MECOM: variants seen among roughly 807,000 people sequenced by gnomAD.
MECOM encodes histone-lysine N-methyltransferase MECOM.
A neutral mutation model predicts 116.3 loss-of-function variants in MECOM; 13 were observed. The observed-to-expected ratio is 0.11, with a 90% CI of 0.07 to 0.18. The LOEUF (loss-of-function observed/expected upper bound fraction) is 0.18. Among genes scored for constraint, MECOM ranks in the 10% least tolerant of loss-of-function variants. The probability of loss-of-function intolerance (pLI) is 1.00; values close to 1 mark genes in which losing one functional copy is unlikely to be tolerated. For synonymous variants in MECOM, 528 were observed against 535.2 expected (o/e 0.99, Z 0.19); for missense variants, 1,299 against 1,509.0 (o/e 0.86, Z 2.31).
intron 2 of MECOM, among the ~76,000 whole-genome samples, chr3:169,261,345 G>A (rs1340598234): frequency 6.6e-6 from 1 of 152,098 alleles, no homozygotes; most frequent in Non-Finnish European, 1.5e-5. Flanking sequence ...CATGTGAGAT[G>A]TTTATAGTTC....
At chr3:169,309,056 G>A (rs1408073758) in intron 2 of MECOM, among the ~76,000 whole-genome samples, 1 of 152,132 alleles carries the variant, frequency 6.6e-6, no homozygotes, top group Non-Finnish European at 1.5e-5. Flanking sequence ...TAAAACGTCT[G>A]GGTTAATCAG....
chr3:169,389,555 CTGA>C, intron 1 of MECOM: 1 of 985,368 alleles, frequency 1.0e-6, no homozygotes, highest in Non-Finnish European at 1.2e-6. Context: ...TTAGCAACCT[CTGA>C]TGGACCTGAT....
intron 1 of MECOM, among the ~76,000 whole-genome samples, chr3:169,488,283 T>G (rs940524737): frequency 6.6e-6 from 1 of 151,342 alleles, no homozygotes; most frequent in Non-Finnish European, 1.5e-5. Flanking sequence ...TCGTAGCACT[T>G]TGGGAGGCCA....
At chr3:169,510,318 C>T (rs1406867362) in intron 1 of MECOM, among the ~76,000 whole-genome samples, 1 of 152,234 alleles carries the variant, frequency 6.6e-6, no homozygotes, top group Non-Finnish European at 1.5e-5. Context: ...CTGTCACCAG[C>T]AGTCTTGACT....
intron 2 of MECOM, among the ~76,000 whole-genome samples, chr3:169,361,897 G>A (rs1013467748): frequency 6.6e-6 from 1 of 151,704 alleles, no homozygotes; most frequent in Non-Finnish European, 1.5e-5. Context: ...AGATGGCGAG[G>A]AATAGAATTA....
At chr3:169,572,936 C>T (rs1576942026) in intron 1 of MECOM, among the ~76,000 whole-genome samples, 1 of 151,972 alleles carries the variant, frequency 6.6e-6, no homozygotes, top group African/African-American at 2.4e-5. Flanking sequence ...TTGTAACAAA[C>T]CTGCACGTTC....
Position 169,508,686 on chromosome 3 carries a change from TAATAA to T in MECOM, c.38-127167_38-127163del, listed in dbSNP as rs572852281. ...CAAGAAGGCTATGCAACTAGAAAAA[TAATAA>T]AATAAAATTATTTTTTTCCTAAAAT... is the stretch of plus-strand genomic sequence containing the variant. On this transcript the variant is annotated intron_variant, in intron 1 of 16. Transcript: ENST00000651503. Among the ~76,000 whole-genome samples the T allele has an allele frequency of 1.1e-4, 17 of 152,272 alleles. No homozygotes were observed. In the East Asian group the frequency reaches 2.9e-3, roughly 26 times the overall value.
chr3:169,405,639 T>C (rs559027626), intron 1 of MECOM, among the ~76,000 whole-genome samples: 2 of 152,334 alleles, frequency 1.3e-5, no homozygotes, highest in South Asian at 4.1e-4. Context: ...GAAATACAGC[T>C]AGTGTACTTG....
intron 2 of MECOM, among the ~76,000 whole-genome samples, chr3:169,293,690 T>C (rs1255883491): frequency 6.6e-6 from 1 of 152,238 alleles, no homozygotes; most frequent in Admixed American, 6.5e-5. Flanking sequence ...TAGTTATTTG[T>C]TTCTGTATTT....
At chr3:169,356,956 C>T (rs556617706) in intron 2 of MECOM, among the ~76,000 whole-genome samples, 2 of 151,920 alleles carry the variant, frequency 1.3e-5, no homozygotes, top group South Asian at 4.1e-4. Flanking sequence ...GAAGAATGAA[C>T]AAGAGTAGTG....
chr3:169,225,851 G>A (rs1389554382), intron 2 of MECOM, among the ~76,000 whole-genome samples: 8 of 152,202 alleles, frequency 5.3e-5, no homozygotes, highest in South Asian at 2.1e-4. Context: ...ATCGTGATCC[G>A]CCTGCCTCGG....
chr3:169,363,963 A>T (rs1181802923), intron 2 of MECOM, among the ~76,000 whole-genome samples: 1 of 151,980 alleles, frequency 6.6e-6, no homozygotes, highest in Non-Finnish European at 1.5e-5. Context: ...GGCTTCATAA[A>T]ATACACACAG....
intron 2 of MECOM, among the ~76,000 whole-genome samples, chr3:169,331,231 T>G (rs1033302793): frequency 6.6e-6 from 1 of 152,038 alleles, no homozygotes; most frequent in Non-Finnish European, 1.5e-5. Context: ...TCATTGGCCA[T>G]ACAGTTAATA....
chr3:169,441,016 T>C (rs1743562973), intron 1 of MECOM, among the ~76,000 whole-genome samples: 1 of 152,172 alleles, frequency 6.6e-6, no homozygotes, highest in African/African-American at 2.4e-5. Context: ...TCCCAAATAG[T>C]TTAAATAATC....
chr3:169,294,128 G>GT (rs143140017), intron 2 of MECOM, among the ~76,000 whole-genome samples: 77 of 151,544 alleles, frequency 5.1e-4, no homozygotes, highest in African/African-American at 1.6e-3. Context: ...CTATTTATGG[G>GT]TTTTTTTTGG....
intron 1 of MECOM, among the ~76,000 whole-genome samples, chr3:169,536,716 C>T (rs1759410196): frequency 6.6e-6 from 1 of 152,106 alleles, no homozygotes; most frequent in East Asian, 1.9e-4. Context: ...CCTTGCCCAA[C>T]CTCATGCTTC....
At chr3:169,211,339 AAC>A in intron 2 of MECOM, among the ~76,000 whole-genome samples, 1 of 152,204 alleles carries the variant, frequency 6.6e-6, no homozygotes, top group East Asian at 1.9e-4. Flanking sequence ...AGAAAAATTA[AAC>A]ACACAAACAA....
chr3:169,620,710 G>T (rs1280029343), intron 1 of MECOM, among the ~76,000 whole-genome samples: 1 of 152,196 alleles, frequency 6.6e-6, no homozygotes, highest in Non-Finnish European at 1.5e-5. Flanking sequence ...TCAAGGTGCA[G>T]CCAGGCACCA....
intron 1 of MECOM, among the ~76,000 whole-genome samples, chr3:169,583,751 C>A (rs2109560495): frequency 6.6e-6 from 1 of 151,598 alleles, no homozygotes; most frequent in South Asian, 2.1e-4. Flanking sequence ...TCCAAGCATG[C>A]CACCACGTCT....
Sources: gnomAD v4.1 joint callset for allele counts (sites outside exome capture counted in the v4.1 genomes callset) on GRCh38, gnomAD v4.1.1 for gene constraint, MANE v1.5 for transcripts, NCBI Gene and HGNC (gene_info 2026-07-23, HGNC 2026-07-21) for gene names.